The following MYO1H variants were observed in gnomAD, a reference collection of about 807,000 sequenced individuals.
MYO1H encodes unconventional myosin-Ih.
MYO1H carries 118 observed loss-of-function variants against 149.3 expected under a neutral mutation model. The observed-to-expected ratio is 0.79, with a 90% confidence interval of 0.68 to 0.92. MYO1H has a LOEUF of 0.92. MYO1H is among the 40% of genes least tolerant of loss of function. The probability of loss-of-function intolerance (pLI) is 0.00; values close to 1 mark genes in which losing one functional copy is unlikely to be tolerated. For missense variants in MYO1H, 1,212 were observed against 1,280.7 expected (o/e 0.95, Z 0.82); for synonymous variants, 447 against 465.2 (o/e 0.96, Z 0.50).
chr12:109,443,238 GTATA>G (rs34500133), intron 27 of MYO1H, among the ~76,000 whole-genome samples: 1 of 65,922 alleles, frequency 1.5e-5, no homozygotes, highest in African/African-American at 7.1e-5. Context: ...ATATGTGTAC[GTATA>G]TGTGTGTGTA....
intron 9 of MYO1H, among the ~76,000 whole-genome samples, chr12:109,407,213 C>T (rs1369648531): frequency 6.6e-6 from 1 of 152,114 alleles, no homozygotes; most frequent in Non-Finnish European, 1.5e-5. Flanking sequence ...TCTGATCCTC[C>T]CACCTCTACG....
At chr12:109,311,527 A>G in the MYO1H span, among the ~76,000 whole-genome samples, 1 of 152,254 alleles carries the variant, frequency 6.6e-6, no homozygotes, top group Admixed American at 6.5e-5. Context: ...AATCAGAACC[A>G]TAAAATGCAA....
At chr12:109,316,654 T>G in the MYO1H span, among the ~76,000 whole-genome samples, 2 of 152,092 alleles carry the variant, frequency 1.3e-5, no homozygotes, top group African/African-American at 4.8e-5. Context: ...CCCCCAGCCT[T>G]TTGGAGCATA....
intron 1 of MYO1H, among the ~76,000 whole-genome samples, chr12:109,361,405 AC>A (rs1868744205): frequency 6.6e-6 from 1 of 152,060 alleles, no homozygotes; most frequent in South Asian, 2.1e-4. Context: ...CTGAGGACTT[AC>A]CCCCCAAAAA....
At chr12:109,341,060 C>T in the MYO1H span, among the ~76,000 whole-genome samples, 2 of 151,874 alleles carry the variant, frequency 1.3e-5, no homozygotes, top group African/African-American at 4.8e-5. Flanking sequence ...TGGTGGCGGG[C>T]ACCTGTAATC....
At chr12:109,375,417 T>C (rs955333048) in intron 1 of MYO1H, among the ~76,000 whole-genome samples, 1 of 152,106 alleles carries the variant, frequency 6.6e-6, no homozygotes, top group African/African-American at 2.4e-5. Flanking sequence ...CCTCCCAAAA[T>C]GTTAAGATTA....
At chr12:109,447,064 C>CA in intron 31 of MYO1H, 95 bp from the exon 32 acceptor site, 1 of 1,298,738 alleles carries the variant, frequency 7.7e-7, no homozygotes, top group Admixed American at 2.0e-5. Flanking sequence ...CCTCCACACC[C>CA]ACCTTGCTAA....
chr12:109,434,057 C>G (rs1871753964), intron 20 of MYO1H, among the ~76,000 whole-genome samples: 1 of 152,090 alleles, frequency 6.6e-6, no homozygotes, highest in Non-Finnish European at 1.5e-5. Context: ...CTCTGTCACC[C>G]AGGCTGCAGT....
chr12:109,413,825 G>A (rs746561829), intron 14 of MYO1H, among the ~76,000 whole-genome samples: 17 of 152,042 alleles, frequency 1.1e-4, no homozygotes, highest in Non-Finnish European at 1.8e-4. Flanking sequence ...CAGGAGAATC[G>A]CTTGAACCTG....
chr12:109,345,048 T>C (rs2048098505), upstream of MYO1H, among the ~76,000 whole-genome samples: 1 of 152,160 alleles, frequency 6.6e-6, no homozygotes, highest in Non-Finnish European at 1.5e-5. Flanking sequence ...ATGCAATGGT[T>C]TCTTAGACAT....
At chr12:109,441,995 C>T (rs1342193942) in intron 26 of MYO1H, among the ~76,000 whole-genome samples, 4 of 152,042 alleles carry the variant, frequency 2.6e-5, no homozygotes, top group Admixed American at 6.6e-5. Context: ...CGCAGTGAGC[C>T]GAGATCATGC....
At chr12:109,447,447 G>A (rs1307731859) in exon 32 of MYO1H, 5 of 580,006 alleles carry the variant, frequency 8.6e-6, no homozygotes, top group Admixed American at 3.0e-5. Context: ...ACCCTCGACA[G>A]GATCTATGTT....
At chr12:109,441,055 A>C (rs1358007288) in intron 25 of MYO1H, among the ~76,000 whole-genome samples, 2 of 152,202 alleles carry the variant, frequency 1.3e-5, no homozygotes, top group African/African-American at 4.8e-5. Flanking sequence ...ACACAATCAC[A>C]ACGGCTCCTG....
At chr12:109,395,603 G>C (rs1372432761) in intron 3 of MYO1H, among the ~76,000 whole-genome samples, 1 of 138,846 alleles carries the variant, frequency 7.2e-6, no homozygotes, top group African/African-American at 2.5e-5. Flanking sequence ...GCGTGGTAGT[G>C]CTGCACTTAT....
At chr12:109,314,714 G>T in the MYO1H span, among the ~76,000 whole-genome samples, 1 of 152,172 alleles carries the variant, frequency 6.6e-6, no homozygotes, top group African/African-American at 2.4e-5. Flanking sequence ...AGCACCTGAT[G>T]CTAGAAGGTG....
chr12:109,323,481 G>A, the MYO1H span, among the ~76,000 whole-genome samples: 7 of 152,338 alleles, frequency 4.6e-5, no homozygotes, highest in East Asian at 3.9e-4. Flanking sequence ...AGAAATGCAC[G>A]GATGTTCTAG....
intron 2 of MYO1H, among the ~76,000 whole-genome samples, chr12:109,389,541 C>G (rs1321467425): frequency 1.3e-5 from 2 of 152,128 alleles, no homozygotes; most frequent in African/African-American, 4.8e-5. Context: ...CCACCACACC[C>G]CACGAATGGT....
intron 7 of MYO1H, among the ~76,000 whole-genome samples, chr12:109,404,506 A>G (rs1870294696): frequency 6.6e-6 from 1 of 152,324 alleles, no homozygotes; most frequent in South Asian, 2.1e-4. Flanking sequence ...AAAAGCAAAA[A>G]TACAGGATGC....
chr12:109,334,126 C>T, the MYO1H span, among the ~76,000 whole-genome samples: 1 of 152,086 alleles, frequency 6.6e-6, no homozygotes, highest in Non-Finnish European at 1.5e-5. Context: ...AAGCGATTCT[C>T]CTACCTCAGC....
Sources: gnomAD v4.1 joint callset for allele counts (sites outside exome capture counted in the v4.1 genomes callset) on GRCh38, gnomAD v4.1.1 for gene constraint, MANE v1.5 for transcripts, NCBI Gene and HGNC (gene_info 2026-07-23, HGNC 2026-07-21) for gene names.